Variants in FOXP1 observed in about 807,000 individuals in gnomAD.
FOXP1 encodes the protein forkhead box protein P1.
In FOXP1, 15 loss-of-function variants were observed where a neutral mutation model predicts 98.2. The observed-to-expected ratio is 0.15, with a 90% confidence interval of 0.10 to 0.24. The LOEUF (loss-of-function observed/expected upper bound fraction) is 0.24, where lower values mean the gene tolerates loss of function less well. Ranked by LOEUF, FOXP1 falls within the 10% of genes least tolerant of loss-of-function variation. The pLI is 1.00. For synonymous variants in FOXP1, 371 were observed against 314.5 expected, an observed-to-expected ratio of 1.18 and a Z score of -1.90; for missense variants, 633 against 848.5, an observed-to-expected ratio of 0.75 and a Z score of 3.15.
chr3:71,169,255 A>G (rs1450333238), intron 6 of FOXP1, among the ~76,000 whole-genome samples: 1 of 152,160 alleles, frequency 6.6e-6, no homozygotes. Context: ...CTGGCAGTAA[A>G]TGGACGCCTC....
At chr3:71,341,281 T>C (rs2076990293) in intron 4 of FOXP1, among the ~76,000 whole-genome samples, 1 of 151,950 alleles carries the variant, frequency 6.6e-6, no homozygotes, top group African/African-American at 2.4e-5. Context: ...AGAAATGAAA[T>C]TAGAAATCAG....
intron 5 of FOXP1, among the ~76,000 whole-genome samples, chr3:71,232,275 C>T (rs1005559847): frequency 1.3e-5 from 2 of 152,188 alleles, no homozygotes; most frequent in Non-Finnish European, 2.9e-5. Context: ...CAGTCAAGTG[C>T]TATCGATTAT....
chr3:71,013,710 G>A (rs1199016088), intron 12 of FOXP1, among the ~76,000 whole-genome samples: 3 of 152,118 alleles, frequency 2.0e-5, no homozygotes, highest in African/African-American at 7.2e-5. Flanking sequence ...TAAGCAAAAA[G>A]AACAAAGCTG....
Position 71,404,120 on chromosome 3 carries a change from C to CTTTTTTTTTTTTTTTTTTTT in FOXP1, c.-167-44896_-167-44877dup, listed in dbSNP as rs869086663. ...ATTGGGGTTTTTTTCTTTTCTTTTT[C>CTTTTTTTTTTTTTTTTTTTT]TTTTTTTTTTTTTTTTTTTTTTTTG... On this transcript the variant is annotated intron_variant, in intron 3 of 20. Transcript: ENST00000649528. 5.3e-4 allele frequency among the ~76,000 whole-genome samples: 33 copies of CTTTTTTTTTTTTTTTTTTTT among 62,710 alleles called. 2 individuals are homozygous for CTTTTTTTTTTTTTTTTTTTT. Among genetic ancestry groups the CTTTTTTTTTTTTTTTTTTTT allele is most frequent in the Admixed American group, 7.7e-4 (3 of 3,904 alleles). 41.1% of individuals were successfully genotyped at this position (62,710 alleles called of 152,430 possible).
chr3:71,419,069 T>C (rs1395994970), intron 3 of FOXP1, among the ~76,000 whole-genome samples: 3 of 151,474 alleles, frequency 2.0e-5, no homozygotes, highest in African/African-American at 4.9e-5. Flanking sequence ...ACCCCATCTC[T>C]ACTAAAAATA....
chr3:71,026,869 G>A (rs191650680), intron 11 of FOXP1, among the ~76,000 whole-genome samples: 132 of 152,248 alleles, frequency 8.7e-4, no homozygotes, highest in African/African-American at 2.9e-3. Context: ...CAATGCAATC[G>A]CAAACAGAGC....
In FOXP1 at chr3:70,972,788, G is replaced by A. The variant is rs905170008; in HGVS notation, c.1531-112C>T. On this transcript the variant is annotated intron_variant, in intron 17 of 20. Coordinates refer to ENST00000649528, the MANE Select transcript of FOXP1 (RefSeq NM_001349338.3). ...ATTTGTAAAACCATCCCCAAGAGCT[G>A]TAGCTACCACCCCCGTGGAGGACCT... 3.7e-6 allele frequency: 4 copies of A among 1,079,400 alleles called. No individual in the cohort carries two copies. In the Admixed American group the frequency reaches 6.3e-5, roughly 17 times the overall value. 66.9% of individuals were successfully genotyped at this position (1,079,400 alleles called of 1,614,324 possible).
intron 6 of FOXP1, among the ~76,000 whole-genome samples, chr3:71,145,956 G>A (rs1464085760): frequency 6.6e-6 from 1 of 152,142 alleles, no homozygotes; most frequent in Non-Finnish European, 1.5e-5. Flanking sequence ...TTTAATCAGG[G>A]ATTGTATCTG....
intron 17 of FOXP1, among the ~76,000 whole-genome samples, chr3:70,973,745 G>A (rs2036856069): frequency 6.6e-6 from 1 of 151,332 alleles, no homozygotes; most frequent in Non-Finnish European, 1.5e-5. Flanking sequence ...TGACTCAATT[G>A]GGGCTTGAGA....
chr3:71,164,199 T>A (rs1438970075), intron 6 of FOXP1, among the ~76,000 whole-genome samples: 1 of 152,176 alleles, frequency 6.6e-6, no homozygotes, highest in Middle Eastern at 3.2e-3. Context: ...TTATTTATTT[T>A]TATTTTTTAT....
chr3:71,560,859 T>C (rs1237822059), intron 2 of FOXP1, among the ~76,000 whole-genome samples: 3 of 152,068 alleles, frequency 2.0e-5, no homozygotes, highest in Admixed American at 1.3e-4. Flanking sequence ...GGCAAACCTA[T>C]AGAAACAGAA....
At chr3:71,583,817 G>T, upstream of FOXP1, 1 of 987,066 alleles carries the variant, frequency 1.0e-6, no homozygotes, top group African/African-American at 1.7e-5. Context: ...TGGCGGCGGC[G>T]GCGGCGGCAG....
chr3:71,170,336 A>G (rs2061591062), intron 6 of FOXP1, among the ~76,000 whole-genome samples: 1 of 152,200 alleles, frequency 6.6e-6, no homozygotes, highest in Non-Finnish European at 1.5e-5. Context: ...CTGCTAGTCA[A>G]ATCAAGCTTT....
At chr3:70,960,151 A>C (rs2032978255) in intron 20 of FOXP1, among the ~76,000 whole-genome samples, 1 of 152,202 alleles carries the variant, frequency 6.6e-6, no homozygotes, top group Non-Finnish European at 1.5e-5. Context: ...AAGAGACACC[A>C]TGATATACAT....
intron 3 of FOXP1, among the ~76,000 whole-genome samples, chr3:71,381,390 G>A (rs571234258): frequency 1.8e-3 from 266 of 150,280 alleles, no homozygotes; most frequent in Non-Finnish European, 3.0e-3. Context: ...CGCCCTCCTC[G>A]GCCTCCCAAA....
At chr3:71,095,343 A>G (rs2056351752) in intron 7 of FOXP1, among the ~76,000 whole-genome samples, 1 of 152,204 alleles carries the variant, frequency 6.6e-6, no homozygotes, top group Non-Finnish European at 1.5e-5. Flanking sequence ...CTTAATTGCC[A>G]TGTGGCCCTC....
intron 5 of FOXP1, among the ~76,000 whole-genome samples, chr3:71,279,172 CAAAA>C (rs11308828): frequency 5.7e-5 from 4 of 69,784 alleles, no homozygotes; most frequent in Non-Finnish European, 1.1e-4. Flanking sequence ...AACTCCATCT[CAAAA>C]AAAAAAAAAA....
chr3:70,961,950 T>A (rs906559095), intron 20 of FOXP1, among the ~76,000 whole-genome samples: 4 of 152,024 alleles, frequency 2.6e-5, no homozygotes, highest in Admixed American at 2.0e-4. Flanking sequence ...CTTTTAGGCA[T>A]GAGATCCTAT....
intron 6 of FOXP1, among the ~76,000 whole-genome samples, chr3:71,114,509 G>A (rs1460947735): frequency 6.6e-6 from 1 of 152,210 alleles, no homozygotes; most frequent in Non-Finnish European, 1.5e-5. Flanking sequence ...TTGTGTTTAA[G>A]AGGTGCAAAG....
Sources: gnomAD v4.1 joint callset for allele counts (sites outside exome capture counted in the v4.1 genomes callset) on GRCh38, gnomAD v4.1.1 for gene constraint, MANE v1.5 for transcripts, NCBI Gene and HGNC (gene_info 2026-07-23, HGNC 2026-07-21) for gene names.